The following MCM10 variants were observed in gnomAD, a reference collection of about 807,000 sequenced individuals.
MCM10 encodes the protein protein MCM10 homolog.
MCM10 carries 91 observed loss-of-function variants against 109.9 expected under a neutral mutation model. The observed-to-expected ratio is 0.83, with a 90% CI of 0.70 to 0.99. The LOEUF is 0.99. MCM10 is among the 50% of genes least tolerant of loss of function. MCM10 has a pLI of 0.00. For missense variants in MCM10, 1,077 were observed against 1,061.2 expected (o/e 1.01, Z -0.21); for synonymous variants, 380 against 387.2 (o/e 0.98, Z 0.22).
intron 2 of MCM10, 66 bp downstream of exon 2, chr10:13,164,275 T>A (rs1360267198): frequency 4.1e-6 from 6 of 1,473,346 alleles, no homozygotes; most frequent in Non-Finnish European, 5.5e-6. Flanking sequence ...ATGGACTTGT[T>A]ATTTATTCTA....
At chr10:13,166,648 AAATACATAC>A (rs1370958860) in intron 2 of MCM10, among the ~76,000 whole-genome samples, 94 of 60,014 alleles carry the variant, frequency 1.6e-3, no homozygotes, top group African/African-American at 5.2e-3. Flanking sequence ...AAAAAAAAAA[AAATACATAC>A]ATACATATAT....
intron 15 of MCM10, 147 bp downstream of exon 15, chr10:13,197,914 C>T: frequency 1.4e-6 from 1 of 703,776 alleles, no homozygotes; most frequent in Non-Finnish European, 2.0e-6. Context: ...ATGGGTGGAA[C>T]TGATTTTTTT....
intron 17 of MCM10, among the ~76,000 whole-genome samples, chr10:13,203,786 G>C (rs1475698537): frequency 1.3e-5 from 2 of 148,568 alleles, no homozygotes; most frequent in East Asian, 3.9e-4. Flanking sequence ...CCTTTTTATA[G>C]ATCATAGAAG....
chr10:13,165,853 G>A (rs1833989723), intron 2 of MCM10, among the ~76,000 whole-genome samples: 1 of 145,348 alleles, frequency 6.9e-6, no homozygotes, highest in Non-Finnish European at 1.5e-5. Flanking sequence ...TCCAGCCTGG[G>A]TGACAGAGCA....
At chr10:13,194,818 A>G (rs898115249) in intron 13 of MCM10, among the ~76,000 whole-genome samples, 1 of 152,210 alleles carries the variant, frequency 6.6e-6, no homozygotes, top group South Asian at 2.1e-4. Context: ...TGTTAGGACA[A>G]TTACAGCTTA....
chr10:13,197,805 CTG>C, intron 15 of MCM10, 38 bp downstream of exon 15: 2 of 1,586,154 alleles, frequency 1.3e-6, no homozygotes, highest in Non-Finnish European at 1.7e-6. Context: ...GAAAGAGAAA[CTG>C]TTTCTAAGGG....
rs139815959 is a variant in MCM10 at position 13,165,969 on chromosome 10, G to A, written c.7+1760G>A. Among the ~76,000 whole-genome samples, 19 of 152,128 alleles carry A rather than the reference G, an allele frequency of 1.2e-4. No homozygotes were observed. The East Asian group carries it at 3.3e-3, about 26-fold the overall frequency. On this transcript the variant is annotated intron_variant, in intron 2 of 19. Coordinates refer to ENST00000378714, the MANE Select transcript of MCM10 (RefSeq NM_018518.5). ...GGGTTCACAATTTGGCCGGTGTAGA[G>A]GAAATCGGAGACTGTATGGTACTTG...
intron 16 of MCM10, among the ~76,000 whole-genome samples, chr10:13,199,048 AC>A (rs1271530276): frequency 1.3e-5 from 2 of 152,104 alleles, no homozygotes; most frequent in African/African-American, 4.8e-5. Context: ...GGTGCCTGCC[AC>A]CACACGAAGC....
chr10:13,202,216 G>C (rs1306242259), intron 17 of MCM10, among the ~76,000 whole-genome samples: 2 of 152,116 alleles, frequency 1.3e-5, no homozygotes, highest in African/African-American at 4.8e-5. Context: ...AAATTAGCCG[G>C]TGTGGTGGTG....
At chr10:13,165,446 T>C (rs1466984690) in intron 2 of MCM10, among the ~76,000 whole-genome samples, 1 of 152,240 alleles carries the variant, frequency 6.6e-6, no homozygotes, top group Non-Finnish European at 1.5e-5. Flanking sequence ...GCAAATTGCC[T>C]ACAGGGCAGG....
intron 16 of MCM10, 111 bp from the exon 17 acceptor site, chr10:13,201,305 CTGTTT>C: frequency 1.4e-6 from 1 of 699,268 alleles, no homozygotes; most frequent in Non-Finnish European, 2.5e-6. Flanking sequence ...CCATTCTGTT[CTGTTT>C]TGATTATTAT....
chr10:13,207,838 C>T (rs968566697), intron 18 of MCM10, among the ~76,000 whole-genome samples: 7 of 152,108 alleles, frequency 4.6e-5, no homozygotes, highest in African/African-American at 1.7e-4. Context: ...TCTTTACTAG[C>T]AGCATGAGAA....
At chr10:13,178,359 G>A (rs1236361685) in intron 6 of MCM10, among the ~76,000 whole-genome samples, 4 of 152,230 alleles carry the variant, frequency 2.6e-5, no homozygotes, top group African/African-American at 9.6e-5. Flanking sequence ...AAAGTGCTGG[G>A]ATTACAGGCG....
chr10:13,202,155 T>G (rs1834508632), intron 17 of MCM10, among the ~76,000 whole-genome samples: 1 of 152,024 alleles, frequency 6.6e-6, no homozygotes, highest in South Asian at 2.1e-4. Flanking sequence ...GGCCAGGAAT[T>G]TGAGACCAAC....
In MCM10 at chr10:13,188,450, A is replaced by G. The variant is rs536915280; in HGVS notation, c.1216-431A>G. ...AAAACAATGGCACCATAAAGTCATC[A>G]CTCCCATCCCCACTCCCTCCGTCTC... On this transcript the variant is annotated intron_variant, in intron 9 of 19. Transcript: ENST00000378714. Among the ~76,000 whole-genome samples, 14 of 151,692 alleles carry G rather than the reference A, an allele frequency of 9.2e-5. 1 individual carries two copies. In the South Asian group the frequency reaches 2.7e-3, roughly 29 times the overall value.
intron 13 of MCM10, among the ~76,000 whole-genome samples, chr10:13,193,384 A>G (rs986012208): frequency 1.3e-5 from 2 of 152,058 alleles, no homozygotes; most frequent in Non-Finnish European, 2.9e-5. Flanking sequence ...CCTGAATACT[A>G]ATGAGAGCTG....
At chr10:13,198,864 G>C in intron 16 of MCM10, 57 bp downstream of exon 16, 2 of 1,115,544 alleles carry the variant, frequency 1.8e-6, no homozygotes, top group East Asian at 4.7e-5. Flanking sequence ...CAAAGCCAAG[G>C]TGCTAGCTGT....
In MCM10 at chr10:13,172,685, C is replaced by A. The variant is rs1008812185; in HGVS notation, c.512C>A (p.Thr171Lys). 6.2e-7 allele frequency: 1 copy of A among 1,614,030 alleles called. No homozygotes were observed. Among genetic ancestry groups the A allele is most frequent in the African/African-American group, 1.3e-5 (1 of 74,920 alleles). The change falls in exon 5 of 20, where the codon ACA becomes AAA. Residue 171 changes from threonine (T) to lysine (K), a missense_variant. Physicochemically the swap from Thr to Lys is moderately conservative, Grantham distance 78. Coordinates refer to ENST00000378714, the MANE Select transcript of MCM10 (RefSeq NM_018518.5). The surrounding 1 kb of genome is among the most constrained non-coding windows in gnomAD (Gnocchi z 5.2). ...AGAGTTCAGAGAATTCAGGAGTCAA[C>A]ATGCTTTTCTGCGGAGCTTGATGTC... is the stretch of plus-strand genomic sequence containing the variant. ...ERRVQRIQES[T>K]CFSAELDVPA... is the part of the protein sequence containing the mutation.
chr10:13,182,969 C>T lies in MCM10; in HGVS notation c.967C>T (p.Arg323Cys), dbSNP rs373449086. ...CAGCATATGGAAACTGAATGATCTTCGTGACCTGACACAATGTGTGTCCTT... is the reference window on the plus strand; with the variant it reads ...CAGCATATGGAAACTGAATGATCTTTGTGACCTGACACAATGTGTGTCCTT... ...TFSIWKLNDL[R>C]DLTQCVSLFL... Residue 323 changes from arginine to cysteine, a missense_variant, in exon 8 of 20, where the codon CGT becomes TGT. By Grantham distance (180) the Arg-to-Cys change is radical. Transcript: ENST00000378714. The surrounding 1 kb of genome is among the most constrained non-coding windows in gnomAD (Gnocchi z 4.2). 20 of 1,613,872 alleles carry T rather than the reference C, an allele frequency of 1.2e-5. No homozygotes were observed. The highest frequency in any genetic ancestry group is 4.5e-5 in the East Asian group (2 of 44,894).
Sources: allele counts gnomAD v4.1 joint callset (sites outside exome capture counted in the v4.1 genomes callset), GRCh38; gene constraint gnomAD v4.1.1; non-coding constraint Gnocchi (gnomAD v3.1); transcripts MANE v1.5; gene names NCBI Gene and HGNC (gene_info 2026-07-23, HGNC 2026-07-21).